Variants in DIAPH3 observed in about 807,000 individuals in gnomAD.
The protein encoded by DIAPH3 is diaphanous related formin 3, also known as protein diaphanous homolog 3.
In DIAPH3, 117 loss-of-function variants were observed where a neutral mutation model predicts 144.3. The ratio of observed to expected loss-of-function variants is 0.81; its 90% CI spans 0.70 to 0.95. The LOEUF (loss-of-function observed/expected upper bound fraction) is 0.95. Ranked by LOEUF, DIAPH3 falls within the 40% of genes least tolerant of loss-of-function variation. DIAPH3 has a pLI of 0.00. For missense variants in DIAPH3, 1,421 were observed against 1,412.7 expected (o/e 1.01, Z -0.09); for synonymous variants, 519 against 488.9 (o/e 1.06, Z -0.81).
At chr13:60,002,353 C>T (rs115638570) in intron 9 of DIAPH3, among the ~76,000 whole-genome samples, 287 of 152,234 alleles carry the variant, frequency 1.9e-3, no homozygotes, top group African/African-American at 6.3e-3. Flanking sequence ...ACAGTCATTG[C>T]TGCCCATAAT....
intron 27 of DIAPH3, among the ~76,000 whole-genome samples, chr13:59,760,385 T>C (rs2037514997): frequency 6.6e-6 from 1 of 151,872 alleles, no homozygotes; most frequent in African/African-American, 2.4e-5. Context: ...AGAGTAACTA[T>C]ATTAATAAGA....
intron 4 of DIAPH3, among the ~76,000 whole-genome samples, chr13:60,067,769 T>G (rs1040664552): frequency 6.6e-6 from 1 of 152,194 alleles, no homozygotes; most frequent in Non-Finnish European, 1.5e-5. Context: ...TATATTTATC[T>G]GATTTTTTTC....
chr13:59,795,495 C>A (rs1428598743), intron 25 of DIAPH3, among the ~76,000 whole-genome samples: 4 of 151,084 alleles, frequency 2.6e-5, no homozygotes, highest in Admixed American at 2.0e-4. Context: ...CGCTCTCCCG[C>A]CCAGGCTGGA....
intron 20 of DIAPH3, among the ~76,000 whole-genome samples, chr13:59,904,826 A>G (rs1016967675): frequency 2.0e-5 from 3 of 152,194 alleles, no homozygotes; most frequent in Non-Finnish European, 2.9e-5. Flanking sequence ...AGAACATATA[A>G]GGAGCTCTTA....
intron 27 of DIAPH3, among the ~76,000 whole-genome samples, chr13:59,720,133 T>C (rs983885868): frequency 2.6e-5 from 4 of 152,012 alleles, no homozygotes; most frequent in African/African-American, 9.7e-5. Flanking sequence ...CGTAACACGA[T>C]TGTAAATATT....
intron 3 of DIAPH3, among the ~76,000 whole-genome samples, chr13:60,106,262 C>T (rs1200230603): frequency 6.6e-6 from 1 of 151,998 alleles, no homozygotes; most frequent in Non-Finnish European, 1.5e-5. Flanking sequence ...AAAAATCAAA[C>T]CTCAGAAACA....
At chr13:59,885,042 A>T (rs535864241) in intron 20 of DIAPH3, among the ~76,000 whole-genome samples, 283 of 152,296 alleles carry the variant, frequency 1.9e-3, no homozygotes, top group Non-Finnish European at 3.4e-3. Context: ...ACAATTGGCT[A>T]TAGACATTAG....
At chr13:60,058,222 GC>G (rs1189107374) in intron 4 of DIAPH3, among the ~76,000 whole-genome samples, 1 of 150,608 alleles carries the variant, frequency 6.6e-6, no homozygotes, top group East Asian at 1.9e-4. Context: ...TAAAAAGTGG[GC>G]AAATGACATG....
rs1172308990 is a variant in DIAPH3 at position 59,833,257 on chromosome 13, A to G, written c.2877T>C (p.Ser959=). The change falls in exon 24 of 28, where the codon AGT becomes AGC. Residue 959 remains serine, a synonymous_variant. Transcript: ENST00000400324. ...FVTKMSRFVI[S]AKEQYETLSK... ...AAAGTGTCTCATATTGTTCTTTTGC[A>G]CTGATAACAAATCTGTATACTATAG... 2.5e-6 allele frequency: 4 copies of G among 1,607,872 alleles called. No homozygotes were observed. The highest frequency in any genetic ancestry group is 1.3e-5 in the African/African-American group (1 of 74,760).
intron 17 of DIAPH3, among the ~76,000 whole-genome samples, chr13:59,950,758 T>C (rs1170714649): frequency 1.3e-5 from 2 of 152,126 alleles, no homozygotes; most frequent in Non-Finnish European, 2.9e-5. Context: ...ATATAATGAC[T>C]AAATGTAATA....
intron 4 of DIAPH3, among the ~76,000 whole-genome samples, chr13:60,054,176 A>T (rs2056468772): frequency 6.6e-6 from 1 of 152,022 alleles, no homozygotes; most frequent in Admixed American, 6.6e-5. Flanking sequence ...ATCACACTTA[A>T]ACCTGTAGAG....
intron 24 of DIAPH3, among the ~76,000 whole-genome samples, chr13:59,823,071 T>A (rs1011595172): frequency 6.6e-6 from 1 of 152,216 alleles, no homozygotes; most frequent in African/African-American, 2.4e-5. Context: ...TTTTGCTACG[T>A]TATTTCAGGG....
chr13:59,747,373 C>T (rs2036759689), intron 27 of DIAPH3, among the ~76,000 whole-genome samples: 1 of 152,136 alleles, frequency 6.6e-6, no homozygotes, highest in Non-Finnish European at 1.5e-5. Context: ...TTAAATCAGC[C>T]TGTTTACACC....
intron 4 of DIAPH3, among the ~76,000 whole-genome samples, chr13:60,067,698 A>G (rs1405303818): frequency 6.6e-6 from 1 of 152,152 alleles, no homozygotes; most frequent in African/African-American, 2.4e-5. Flanking sequence ...AACCAAATCT[A>G]TATTACCCTT....
chr13:60,054,348 T>C (rs2056476345), intron 4 of DIAPH3, among the ~76,000 whole-genome samples: 1 of 152,080 alleles, frequency 6.6e-6, no homozygotes, highest in Non-Finnish European at 1.5e-5. Context: ...CTTTGTAATT[T>C]TAAGCAAGTA....
At chr13:59,942,486 ATT>A (rs2048585419) in intron 17 of DIAPH3, among the ~76,000 whole-genome samples, 1 of 152,172 alleles carries the variant, frequency 6.6e-6, no homozygotes. Context: ...TAATTGCCAT[ATT>A]ATTCTAGATT....
chr13:60,087,072 G>A (rs1035086633), intron 4 of DIAPH3, among the ~76,000 whole-genome samples: 9 of 152,096 alleles, frequency 5.9e-5, no homozygotes, highest in African/African-American at 2.2e-4. Flanking sequence ...CCAATACAAC[G>A]TAAATGCTAT....
intron 27 of DIAPH3, among the ~76,000 whole-genome samples, chr13:59,686,939 G>A (rs1159030892): frequency 6.6e-6 from 1 of 151,990 alleles, no homozygotes; most frequent in Admixed American, 6.6e-5. Context: ...AAACAGTAAC[G>A]ACTTCAGAGC....
chr13:59,787,948 C>G (rs2039122974), intron 25 of DIAPH3, among the ~76,000 whole-genome samples: 1 of 152,174 alleles, frequency 6.6e-6, no homozygotes, highest in Non-Finnish European at 1.5e-5. Flanking sequence ...GTTACAGGCC[C>G]TCAGTGAACA....
Sources: allele counts gnomAD v4.1 joint callset (sites outside exome capture counted in the v4.1 genomes callset), GRCh38; gene constraint gnomAD v4.1.1; transcripts MANE v1.5; gene names NCBI Gene and HGNC (gene_info 2026-07-23, HGNC 2026-07-21).